DOCK1: variants seen among roughly 807,000 people sequenced by gnomAD.
DOCK1 encodes the protein dedicator of cytokinesis 1.
DOCK1 carries 138 observed loss-of-function variants against 262.7 expected under a neutral mutation model. The ratio of observed to expected loss-of-function variants is 0.53; its 90% CI spans 0.46 to 0.61. DOCK1 has a LOEUF of 0.61. Ranked by LOEUF, DOCK1 falls within the 20% of genes least tolerant of loss-of-function variation. The probability of loss-of-function intolerance (pLI) is 0.00; values close to 1 mark genes in which losing one functional copy is unlikely to be tolerated. For synonymous variants in DOCK1, 866 were observed against 867.4 expected, an observed-to-expected ratio of 1.00 and a Z score of 0.03; for missense variants, 1,908 against 2,370.7, an observed-to-expected ratio of 0.80 and a Z score of 4.05.
chr10:127,424,552 C>A (rs7095940), intron 46 of DOCK1, among the ~76,000 whole-genome samples: 44,850 of 151,966 alleles, frequency 0.3, 7,425 homozygotes, highest in African/African-American at 0.45. Flanking sequence ...AGAGAGAGAC[C>A]CAACACATTC....
chr10:127,225,390 T>C (rs1181124124), intron 27 of DOCK1, among the ~76,000 whole-genome samples: 1 of 152,254 alleles, frequency 6.6e-6, no homozygotes, highest in Non-Finnish European at 1.5e-5. Context: ...ACCCATGACA[T>C]GACCTGGCTT....
At chr10:127,193,787 A>C (rs1589875114) in intron 27 of DOCK1, among the ~76,000 whole-genome samples, 1 of 152,270 alleles carries the variant, frequency 6.6e-6, no homozygotes, top group Non-Finnish European at 1.5e-5. Context: ...AAAACACAAA[A>C]ATTCCCTTTC....
chr10:127,016,605 C>G (rs2041897559), intron 12 of DOCK1: 1 of 152,680 alleles, frequency 6.5e-6, no homozygotes, highest in Non-Finnish European at 1.5e-5. Flanking sequence ...AGGGCAGGTT[C>G]TGCTCTGGAG....
chr10:127,195,192 C>G (rs2134155266), intron 27 of DOCK1, among the ~76,000 whole-genome samples: 1 of 152,316 alleles, frequency 6.6e-6, no homozygotes, highest in South Asian at 2.1e-4. Context: ...TGAGCATGAA[C>G]CAGCAAGATG....
chr10:126,946,722 AT>A (rs1312544838), intron 1 of DOCK1, among the ~76,000 whole-genome samples: 1 of 152,216 alleles, frequency 6.6e-6, no homozygotes, highest in Non-Finnish European at 1.5e-5. Context: ...TTCCGGGTTC[AT>A]CCATGTCACA....
chr10:126,927,477 C>T (rs1032008165), intron 1 of DOCK1, among the ~76,000 whole-genome samples: 1 of 151,924 alleles, frequency 6.6e-6, no homozygotes, highest in Non-Finnish European at 1.5e-5. Flanking sequence ...CTCACTCTGT[C>T]GCTCAGGCTG....
chr10:127,225,343 G>A (rs1231960912), intron 27 of DOCK1, among the ~76,000 whole-genome samples: 1 of 152,256 alleles, frequency 6.6e-6, no homozygotes, highest in African/African-American at 2.4e-5. Context: ...GGGGTCTGCA[G>A]TAACTTCCTG....
chr10:126,944,448 C>T (rs946558933), intron 1 of DOCK1, among the ~76,000 whole-genome samples: 5 of 151,994 alleles, frequency 3.3e-5, no homozygotes, highest in Non-Finnish European at 5.9e-5. Flanking sequence ...GAGCAGTTTA[C>T]GCAGTTGGGA....
chr10:127,384,294 C>T (rs1440205359), intron 37 of DOCK1, among the ~76,000 whole-genome samples: 1 of 152,208 alleles, frequency 6.6e-6, no homozygotes, highest in Non-Finnish European at 1.5e-5. Flanking sequence ...GACTCTGTGC[C>T]CAGCACCTTG....
chr10:127,145,440 C>T (rs1479363636), intron 27 of DOCK1, among the ~76,000 whole-genome samples: 1 of 152,230 alleles, frequency 6.6e-6, no homozygotes, highest in Admixed American at 6.5e-5. Context: ...CAGAACACTG[C>T]TGTTCCTGAC....
At chr10:126,917,622 A>C (rs1004516733) in intron 1 of DOCK1, among the ~76,000 whole-genome samples, 1 of 152,096 alleles carries the variant, frequency 6.6e-6, no homozygotes, top group African/African-American at 2.4e-5. Flanking sequence ...TGCTGGCCTC[A>C]TCACATTGGC....
Position 127,444,035 on chromosome 10 carries a change from G to A in DOCK1, c.5260-91G>A, listed in dbSNP as rs1237213792. 4 of 1,484,662 alleles carry A rather than the reference G, an allele frequency of 2.7e-6. No individual in the cohort carries two copies. The East Asian group carries it at 7.4e-5, about 28-fold the overall frequency. The allele number at this position is 1,484,662 out of a possible 1,614,324, so 92.0% of individuals were successfully genotyped here. A position where few individuals can be genotyped will look rare whatever the true frequency, so the allele number is the denominator to read the frequency against. On this transcript the variant is annotated intron_variant, in intron 49 of 51. Transcript: ENST00000623213. The stretch of plus-strand genomic sequence containing the variant: ...GTTAAGGTCATATTCTAAGGTAATG[G>A]GGGTCAGGACTTCAACATAGGAATT...
chr10:127,229,381 G>A (rs910631814), intron 27 of DOCK1, among the ~76,000 whole-genome samples: 4 of 152,006 alleles, frequency 2.6e-5, no homozygotes, highest in Admixed American at 6.6e-5. Flanking sequence ...TTTGACCATC[G>A]TCTCCCCGGT....
intron 27 of DOCK1, among the ~76,000 whole-genome samples, chr10:127,148,930 C>T (rs1005243960): frequency 1.3e-5 from 2 of 152,290 alleles, no homozygotes; most frequent in South Asian, 2.1e-4. Context: ...AAAGATGTAG[C>T]TGTGTCAACC....
chr10:126,980,363 TA>T (rs996908532), intron 3 of DOCK1, among the ~76,000 whole-genome samples: 2 of 151,924 alleles, frequency 1.3e-5, no homozygotes, highest in East Asian at 1.9e-4. Context: ...AACTAATTTG[TA>T]AAAAAAATTT....
Position 127,047,601 on chromosome 10 carries a change from A to C in DOCK1, c.2201+4437A>C, listed in dbSNP as rs559227578. Among the ~76,000 whole-genome samples, 3 of 146,580 alleles carry C rather than the reference A, an allele frequency of 2.0e-5. No individual in the cohort carries two copies. The South Asian group carries it at 6.4e-4, about 31-fold the overall frequency. On this transcript the variant is annotated intron_variant, in intron 21 of 51. Coordinates refer to ENST00000623213, the MANE Select transcript of DOCK1 (RefSeq NM_001290223.2). Reference sequence around the variant, plus strand: ...TTGGACGGTTTTTGTATACCCTTGGAACTACTGCCCAAAACAAGACATAAG... The same window carrying C: ...TTGGACGGTTTTTGTATACCCTTGGCACTACTGCCCAAAACAAGACATAAG...
intron 27 of DOCK1, among the ~76,000 whole-genome samples, chr10:127,188,589 A>G (rs972031197): frequency 1.3e-4 from 20 of 152,240 alleles, no homozygotes; most frequent in South Asian, 1.0e-3. Context: ...CCATGCTACC[A>G]TGGTTTGCTA....
At chr10:127,139,447 A>T (rs552354905) in intron 27 of DOCK1, among the ~76,000 whole-genome samples, 63 of 152,318 alleles carry the variant, frequency 4.1e-4, no homozygotes, top group Admixed American at 2.8e-3. Flanking sequence ...TGCTCCCAAA[A>T]CAAGTTATCC....
chr10:126,926,138 G>A (rs970413999), intron 1 of DOCK1, among the ~76,000 whole-genome samples: 8 of 152,098 alleles, frequency 5.3e-5, no homozygotes, highest in Admixed American at 1.3e-4. Context: ...CATCGTGCCC[G>A]ACACCTGGTA....
Sources: allele counts gnomAD v4.1 joint callset (sites outside exome capture counted in the v4.1 genomes callset), GRCh38; gene constraint gnomAD v4.1.1; transcripts MANE v1.5; gene names NCBI Gene and HGNC (gene_info 2026-07-23, HGNC 2026-07-21).